LCP2: variants seen among roughly 807,000 people sequenced by gnomAD.
LCP2 encodes lymphocyte cytosolic protein 2.
A neutral mutation model predicts 74.5 loss-of-function variants in LCP2; 29 were observed. The ratio of observed to expected loss-of-function variants is 0.39; its 90% CI spans 0.29 to 0.53. The LOEUF (loss-of-function observed/expected upper bound fraction) is 0.53, where lower values mean the gene tolerates loss of function less well. LCP2 is among the 20% of genes least tolerant of loss of function. LCP2 has a pLI of 0.72. For missense variants in LCP2, 604 were observed against 634.6 expected, an observed-to-expected ratio of 0.95 and a Z score of 0.52; for synonymous variants, 228 against 229.5, an observed-to-expected ratio of 0.99 and a Z score of 0.06.
chr5:170,270,821 C>A lies in LCP2; in HGVS notation c.421G>T (p.Asp141Tyr), dbSNP rs1761885562. 6.2e-7 allele frequency: 1 copy of A among 1,612,314 alleles called. No individual in the cohort carries two copies. Residue 141 changes from aspartate (D) to tyrosine (Y), a missense_variant, in exon 7 of 21, where the codon GAT (aspartate) becomes TAT (tyrosine). Physicochemically the swap from Asp to Tyr is radical, Grantham distance 160. Coordinates refer to ENST00000046794, the MANE Select transcript of LCP2 (RefSeq NM_005565.5). ...GGTGGCGGCTCATAATCCGCGTCAT[C>A]TTCCACGGGTGCCTCTTCCTCCTCA... The part of the protein sequence containing the change: ...PNEEEEAPVE[D>Y]DADYEPPPSN...
intron 3 of LCP2, among the ~76,000 whole-genome samples, chr5:170,284,778 T>C (rs1441100095): frequency 2.8e-5 from 4 of 143,762 alleles, no homozygotes; most frequent in East Asian, 2.1e-4. Flanking sequence ...TGAGATGGAG[T>C]CTTGCTCTGT....
At chr5:170,285,803 C>T (rs1762174208) in intron 3 of LCP2, among the ~76,000 whole-genome samples, 1 of 152,108 alleles carries the variant, frequency 6.6e-6, no homozygotes, top group South Asian at 2.1e-4. Flanking sequence ...AAAGAGGGGC[C>T]CCTCTGAAGC....
chr5:170,269,775 C>A (rs923836363), intron 7 of LCP2, among the ~76,000 whole-genome samples: 1 of 152,152 alleles, frequency 6.6e-6, no homozygotes, highest in Non-Finnish European at 1.5e-5. Context: ...CTGTCTTATT[C>A]ACTCTGTATC....
At chr5:170,289,601 TTCTTTCTTTCTTTCTTTTTCTTTCTTTC>T (rs1561978230) in intron 2 of LCP2, among the ~76,000 whole-genome samples, 1 of 146,376 alleles carries the variant, frequency 6.8e-6, no homozygotes, top group African/African-American at 2.6e-5. Flanking sequence ...TTTTCTTTCT[TTCTTTCTTTCTTTCTTTTTCTTTCTTTC>T]TTTCTTTCTT....
intron 3 of LCP2, 49 bp from the exon 4 acceptor site, chr5:170,275,909 A>C: frequency 3.4e-6 from 5 of 1,479,328 alleles, no homozygotes; most frequent in African/African-American, 1.4e-5. Context: ...ACTCAGTCTC[A>C]ACCTTCCCCC....
At position 170,258,100 on chromosome 5, in the gene LCP2, G is replaced by C; in HGVS notation, c.1037C>G (p.Ser346Cys). Residue 346 changes from serine to cysteine, a missense_variant, in exon 16 of 21, where the codon TCT becomes TGT. Transcript: ENST00000046794. ...PMSSNTFPSR[S>C]TKPSPMNPLP... is the part of the protein sequence containing the mutation. ...AGGGTTCATGGGACTTGGCTTAGTA[G>C]ATCTTGAAGGGAAAGTGTTGGAGCT... 1 of 1,613,800 alleles carries C rather than the reference G, an allele frequency of 6.2e-7. No homozygotes were observed. The highest frequency in any genetic ancestry group is 8.5e-7 in the Non-Finnish European group (1 of 1,179,680).
chr5:170,291,218 G>GAAGGAAGA (rs1402547082), intron 2 of LCP2, among the ~76,000 whole-genome samples: 1 of 149,856 alleles, frequency 6.7e-6, no homozygotes, highest in East Asian at 1.9e-4. Flanking sequence ...AGGAAGGAAG[G>GAAGGAAGA]AAGGAAGAAA....
intron 4 of LCP2, 147 bp from the exon 5 acceptor site, chr5:170,275,498 C>G: frequency 1.1e-6 from 1 of 889,080 alleles, no homozygotes; most frequent in Admixed American, 2.3e-5. Context: ...TGCTCAGCAA[C>G]TGGGGCTAGG....
rs114792349 is a variant in LCP2, at chr5:170,287,727, G to A, written c.188+243C>T. The A allele has an allele frequency of 2.3e-3, 1,304 of 557,176 alleles. 8 individuals are homozygous for A. The highest frequency in any genetic ancestry group is 0.022 in the African/African-American group (1,160 of 53,072). 34.5% of individuals were successfully genotyped at this position (557,176 alleles called of 1,614,324 possible). On this transcript the variant is annotated intron_variant, in intron 3 of 20. Coordinates refer to ENST00000046794, the MANE Select transcript of LCP2 (RefSeq NM_005565.5). Reference sequence around the variant, plus strand: ...GAGAAGAGAGGAAATGAAAACATTGGCCAGAGTTGGGCTTGTTTTTGGCAA... The same window carrying A: ...GAGAAGAGAGGAAATGAAAACATTGACCAGAGTTGGGCTTGTTTTTGGCAA...
intron 19 of LCP2, chr5:170,251,842 A>G (rs977177868): frequency 7.8e-5 from 25 of 320,518 alleles, no homozygotes; most frequent in South Asian, 6.1e-4. Flanking sequence ...GGTGATCTAA[A>G]TGTGCAACTA....
At chr5:170,268,703 G>C (rs1386246001) in intron 7 of LCP2, among the ~76,000 whole-genome samples, 2 of 151,838 alleles carry the variant, frequency 1.3e-5, no homozygotes, top group Non-Finnish European at 2.9e-5. Context: ...CACAGGCTCA[G>C]CTTTCTTTGC....
intron 2 of LCP2, among the ~76,000 whole-genome samples, chr5:170,289,671 T>TTCCTTCTTTCTTTCTC (rs1762250989): frequency 1.4e-4 from 12 of 84,128 alleles, no homozygotes; most frequent in African/African-American, 4.9e-4. Flanking sequence ...CTTTCTTTCT[T>TTCCTTCTTTCTTTCTC]TCTCTCTCTC....
At chr5:170,270,278 C>G (rs1182417470) in intron 7 of LCP2, among the ~76,000 whole-genome samples, 1 of 152,194 alleles carries the variant, frequency 6.6e-6, no homozygotes, top group Non-Finnish European at 1.5e-5. Flanking sequence ...TATAGTCAAA[C>G]CCTACTCAAT....
intron 1 of LCP2, among the ~76,000 whole-genome samples, chr5:170,297,046 C>G (rs991304145): frequency 4.6e-5 from 7 of 152,208 alleles, no homozygotes; most frequent in Non-Finnish European, 7.3e-5. Flanking sequence ...CACCACGTCT[C>G]CCCTTTCTAG....
At chr5:170,250,531 T>C (rs1761411666) in intron 20 of LCP2, among the ~76,000 whole-genome samples, 199 bp downstream of exon 20, 2 of 152,256 alleles carry the variant, frequency 1.3e-5, no homozygotes, top group South Asian at 2.1e-4. Context: ...AGAAAAGATA[T>C]ACAAGAAAGA....
rs575427151 is a variant in LCP2 at position 170,276,921 on chromosome 5, C to CA, written c.189-1062dup. 3.8e-3 allele frequency among the ~76,000 whole-genome samples: 574 copies of CA among 151,100 alleles called. 1 individual carries two copies. Among genetic ancestry groups the CA allele is most frequent in the African/African-American group, 0.013 (545 of 41,168 alleles). ...TGAAACCCCGTCTCTACTAAAAATA[C>CA]AAAAAAAAGCTGGGCATGGTGGCAC... On this transcript the variant is annotated intron_variant, in intron 3 of 20. Coordinates refer to ENST00000046794, the MANE Select transcript of LCP2 (RefSeq NM_005565.5).
intron 10 of LCP2, 101 bp downstream of exon 10, chr5:170,266,707 G>A: frequency 3.0e-6 from 3 of 983,828 alleles, no homozygotes; most frequent in East Asian, 2.4e-5. Context: ...TCCTAGTATT[G>A]TGGCCATAGT....
At chr5:170,280,918 C>T (rs976378989) in intron 3 of LCP2, among the ~76,000 whole-genome samples, 7 of 152,246 alleles carry the variant, frequency 4.6e-5, no homozygotes, top group South Asian at 2.1e-4. Flanking sequence ...GCAGGAGAAT[C>T]GCTTGAACCC....
intron 10 of LCP2, 55 bp from the exon 11 acceptor site, chr5:170,263,047 GT>G: frequency 6.3e-7 from 1 of 1,591,138 alleles, no homozygotes; most frequent in Non-Finnish European, 8.6e-7. Context: ...TAAGCATGAG[GT>G]TTAAAAACAC....
Sources: allele counts gnomAD v4.1 joint callset (sites outside exome capture counted in the v4.1 genomes callset), GRCh38; gene constraint gnomAD v4.1.1; transcripts MANE v1.5; gene names NCBI Gene and HGNC (gene_info 2026-07-23, HGNC 2026-07-21).